Variants in RIIAD1 observed in about 807,000 individuals in gnomAD.
The protein encoded by RIIAD1 is RIIa domain-containing protein 1.
Under a neutral mutation model 13.3 loss-of-function variants are expected in RIIAD1, and 15 were observed. The observed-to-expected ratio is 1.13, with a 90% CI of 0.76 to 1.74. The LOEUF (loss-of-function observed/expected upper bound fraction) is 1.74, where lower values mean the gene tolerates loss of function less well. Among genes scored for constraint, RIIAD1 ranks in the 40% most tolerant of loss-of-function variants. The pLI is 0.00. For synonymous variants in RIIAD1, 50 were observed against 43.3 expected, an observed-to-expected ratio of 1.16 and a Z score of -0.61; for missense variants, 121 against 112.2, an observed-to-expected ratio of 1.08 and a Z score of -0.35.
chr1:151,728,588 C>T (rs909356372), intron 3 of RIIAD1, 178 bp from the exon 4 acceptor site: 5 of 579,788 alleles, frequency 8.6e-6, no homozygotes, highest in Non-Finnish European at 1.5e-5. Flanking sequence ...CAGAACTGCT[C>T]GGGTGGGGGC....
intron 2 of RIIAD1, among the ~76,000 whole-genome samples, chr1:151,713,258 T>C (rs1673179055): frequency 6.6e-6 from 1 of 152,004 alleles, no homozygotes. Flanking sequence ...CTGGACTTCC[T>C]CAAGAAGGGC....
chr1:151,722,358 G>C (rs577793988), intron 2 of RIIAD1, among the ~76,000 whole-genome samples, 196 bp downstream of exon 2: 4 of 152,354 alleles, frequency 2.6e-5, no homozygotes, highest in South Asian at 4.1e-4. Context: ...TCCACTGGGT[G>C]TAGAACACTA....
intron 2 of RIIAD1, among the ~76,000 whole-genome samples, chr1:151,727,003 T>C (rs762390695): frequency 1.3e-5 from 2 of 152,190 alleles, no homozygotes; most frequent in Non-Finnish European, 2.9e-5. Flanking sequence ...AAAATGATCG[T>C]TGAGGCCGGG....
intron 2 of RIIAD1, among the ~76,000 whole-genome samples, chr1:151,712,430 C>T (rs1453328940): frequency 1.3e-5 from 2 of 152,192 alleles, no homozygotes; most frequent in African/African-American, 2.4e-5. Context: ...TTGTTCCCGG[C>T]GTCCCAGACC....
intron 2 of RIIAD1, among the ~76,000 whole-genome samples, chr1:151,723,139 A>G (rs970372710): frequency 1.3e-5 from 2 of 152,200 alleles, no homozygotes; most frequent in African/African-American, 2.4e-5. Context: ...TCATGCCTGT[A>G]ATCCCAGCAC....
At chr1:151,720,387 C>G (rs769625904), upstream of RIIAD1, among the ~76,000 whole-genome samples, 72 of 151,974 alleles carry the variant, frequency 4.7e-4, no homozygotes, top group Non-Finnish European at 1.0e-3. Context: ...GGCAGCTTAT[C>G]TCTCTCTCAC....
At chr1:151,721,068 A>G (rs532642112), upstream of RIIAD1, among the ~76,000 whole-genome samples, 7 of 152,096 alleles carry the variant, frequency 4.6e-5, no homozygotes, top group South Asian at 1.5e-3. Flanking sequence ...AGCTCACTCT[A>G]TGTTCTGGGG....
At position 151,727,026 on chromosome 1, in the gene RIIAD1, C is replaced by T. The variant is rs115838714; in HGVS notation, c.162-549C>T. On this transcript the variant is annotated intron_variant, in intron 2 of 4. Transcript: ENST00000479191. ...CGTTGAGGCCGGGTGCCGTGGCTCA[C>T]GCCTGTAATCCCAGCACTTTGGGAG... Among the ~76,000 whole-genome samples, 399 of 152,268 alleles carry T rather than the reference C, an allele frequency of 2.6e-3. 1 individual carries two copies. Among genetic ancestry groups the T allele is most frequent in the African/African-American group, 9.2e-3 (384 of 41,554 alleles).
upstream of RIIAD1, among the ~76,000 whole-genome samples, chr1:151,717,569 C>T (rs1249957484): frequency 1.3e-5 from 2 of 152,232 alleles, no homozygotes; most frequent in African/African-American, 4.8e-5. Flanking sequence ...TCTTACTGTT[C>T]ACAGTGTCTA....
Position 151,721,540 on chromosome 1 carries a change from G to A in RIIAD1, c.4G>A (p.Glu2Lys), listed in dbSNP as rs1264685521. 7.5e-6 allele frequency: 10 copies of A among 1,326,784 alleles called. No homozygotes were observed. Among genetic ancestry groups the A allele is most frequent in the Non-Finnish European group, 9.6e-6 (10 of 1,037,496 alleles). 82.2% of individuals were successfully genotyped at this position (1,326,784 alleles called of 1,614,324 possible). The change falls in exon 1 of 5, where the codon GAG becomes AAG. Residue 2 changes from glutamate to lysine, a missense_variant. Glu to Lys is a moderately conservative substitution (Grantham distance 56). Transcript: ENST00000479191. ...TCGCCTTGACGACCGCAGCAAGATGGAGACGCTGCCAGGCTTGCTGCAGCG... is the reference window on the plus strand; with the variant it reads ...TCGCCTTGACGACCGCAGCAAGATGAAGACGCTGCCAGGCTTGCTGCAGCG... M[E>K]TLPGLLQRPD... is the part of the protein sequence containing the mutation.
chr1:151,713,874 G>T (rs564035065), intron 3 of RIIAD1, among the ~76,000 whole-genome samples: 1 of 152,312 alleles, frequency 6.6e-6, no homozygotes, highest in African/African-American at 2.4e-5. Flanking sequence ...AAGGCTGGCT[G>T]GGAAGAAGAC....
intron 2 of RIIAD1, among the ~76,000 whole-genome samples, chr1:151,712,903 G>A (rs1328228448): frequency 1.3e-5 from 2 of 152,018 alleles, no homozygotes; most frequent in African/African-American, 2.4e-5. Flanking sequence ...ACATGCGTGT[G>A]CATGCACACA....
At chr1:151,715,863 C>A (rs1673439084) in intron 4 of RIIAD1, 7 of 1,608,156 alleles carry the variant, frequency 4.4e-6, no homozygotes, top group Non-Finnish European at 6.0e-6. Context: ...CTTCAGCCTG[C>A]CCGACCCCTC....
chr1:151,715,575 G>GTC (rs1558113005), intron 4 of RIIAD1: 1 of 1,371,092 alleles, frequency 7.3e-7, no homozygotes, highest in Admixed American at 2.2e-5. Flanking sequence ...CAGCTCTCTT[G>GTC]TCCCTCCATT....
intron 4 of RIIAD1, chr1:151,715,639 T>G (rs1480610915): frequency 6.7e-7 from 1 of 1,492,972 alleles, no homozygotes; most frequent in Non-Finnish European, 8.9e-7. Flanking sequence ...GGGATCCACA[T>G]CTTTGCAGCC....
intron 4 of RIIAD1, chr1:151,716,036 G>A (rs992544179): frequency 5.6e-6 from 9 of 1,604,782 alleles, no homozygotes; most frequent in Non-Finnish European, 7.7e-6. Flanking sequence ...CGGCCCAGGA[G>A]GAGGGGCCGA....
At chr1:151,712,383 G>A (rs1165145951) in intron 2 of RIIAD1, among the ~76,000 whole-genome samples, 2 of 152,170 alleles carry the variant, frequency 1.3e-5, no homozygotes, top group African/African-American at 4.8e-5. Context: ...TTCTTTTGAG[G>A]GTACAGCCTG....
intron 4 of RIIAD1, chr1:151,716,348 CG>C: frequency 3.2e-6 from 1 of 315,622 alleles, no homozygotes; most frequent in Non-Finnish European, 6.0e-6. Context: ...AGGTGGTAGC[CG>C]GGGGTGCTAG....
chr1:151,713,289 C>A lies in RIIAD1; in HGVS notation c.-185-180C>A, dbSNP rs1361813345. ...AGGGCAGGTGGTGCCTCTCCACACC[C>A]AGGATGGAGCTCTGCCTGAGCTGCC... On this transcript the variant is annotated intron_variant, in intron 2 of 8. Transcript: ENST00000326413. Among the ~76,000 whole-genome samples, 22 of 152,326 alleles carry A rather than the reference C, an allele frequency of 1.4e-4. No individual in the cohort carries two copies. The East Asian group carries it at 4.2e-3, about 29-fold the overall frequency.
Sources: gnomAD v4.1 joint callset for allele counts (sites outside exome capture counted in the v4.1 genomes callset) on GRCh38, gnomAD v4.1.1 for gene constraint, MANE v1.5 for transcripts, NCBI Gene and HGNC (gene_info 2026-07-23, HGNC 2026-07-21) for gene names.